The following KANSL1L variants were observed in gnomAD, a reference collection of about 807,000 sequenced individuals.
KANSL1L encodes the protein KAT8 regulatory NSL complex subunit 1-like protein.
KANSL1L carries 25 observed loss-of-function variants against 108.6 expected under a neutral mutation model. That is an observed-to-expected ratio of 0.23 (90% CI 0.17 to 0.32). KANSL1L has a LOEUF of 0.32. Ranked by LOEUF, KANSL1L falls within the 10% of genes least tolerant of loss-of-function variation. The pLI, the probability that KANSL1L is intolerant of heterozygous loss-of-function variation, is 1.00. For missense variants in KANSL1L, 1,137 were observed against 1,125.7 expected (o/e 1.01, Z -0.14); for synonymous variants, 405 against 395.1 (o/e 1.03, Z -0.30).
intron 3 of KANSL1L, among the ~76,000 whole-genome samples, chr2:210,126,338 T>A (rs986344983): frequency 1.3e-5 from 2 of 152,098 alleles, no homozygotes; most frequent in Admixed American, 1.3e-4. Flanking sequence ...TGGAAACAAA[T>A]CCCATATTCA....
At chr2:210,026,150 G>C (rs772932390) in intron 12 of KANSL1L, among the ~76,000 whole-genome samples, 6 of 152,134 alleles carry the variant, frequency 3.9e-5, no homozygotes, top group Admixed American at 1.3e-4. Flanking sequence ...GGATCATTCA[G>C]AAGTAAGGAA....
chr2:210,109,956 G>T (rs1575548717), intron 3 of KANSL1L, among the ~76,000 whole-genome samples: 2 of 152,230 alleles, frequency 1.3e-5, no homozygotes, highest in Admixed American at 1.3e-4. Flanking sequence ...CCTAAGGACT[G>T]GTTTAAGTCT....
chr2:210,154,654 A>G (rs2095323551), intron 1 of KANSL1L, 43 bp from the exon 2 acceptor site: 28 of 1,262,762 alleles, frequency 2.2e-5, no homozygotes, highest in Non-Finnish European at 2.9e-5. Flanking sequence ...CTAGAAAAAA[A>G]TTTTATGCTT....
intron 6 of KANSL1L, among the ~76,000 whole-genome samples, chr2:210,069,145 T>C (rs1191894197): frequency 6.6e-6 from 1 of 152,212 alleles, no homozygotes; most frequent in Admixed American, 6.5e-5. Context: ...AGTTCATTGC[T>C]TAAAAGTTCT....
intron 6 of KANSL1L, among the ~76,000 whole-genome samples, chr2:210,055,211 T>G (rs1559518988): frequency 6.6e-6 from 1 of 152,210 alleles, no homozygotes; most frequent in Non-Finnish European, 1.5e-5. Flanking sequence ...CGTGAAGAAG[T>G]ACATGTTTGC....
intron 2 of KANSL1L, among the ~76,000 whole-genome samples, chr2:210,133,961 G>T (rs2095150858): frequency 6.6e-6 from 1 of 152,016 alleles, no homozygotes; most frequent in Non-Finnish European, 1.5e-5. Context: ...TTTAGTGCGT[G>T]TATACTGACA....
intron 8 of KANSL1L, among the ~76,000 whole-genome samples, chr2:210,033,455 G>T (rs746082519): frequency 2.0e-5 from 3 of 152,084 alleles, no homozygotes; most frequent in African/African-American, 7.2e-5. Context: ...GACAATTAAC[G>T]TTTCTCTTAT....
intron 5 of KANSL1L, among the ~76,000 whole-genome samples, chr2:210,086,107 A>G (rs2094635066): frequency 6.6e-6 from 1 of 151,952 alleles, no homozygotes; most frequent in African/African-American, 2.4e-5. Context: ...CAGTTTTTCA[A>G]TTATGATATC....
intron 6 of KANSL1L, among the ~76,000 whole-genome samples, chr2:210,071,805 G>T (rs534678623): frequency 2.8e-4 from 42 of 152,220 alleles, no homozygotes; most frequent in African/African-American, 6.0e-4. Context: ...TGGTGGTGGG[G>T]AGACACAATT....
In KANSL1L at chr2:210,022,879, G is replaced by T. The variant is rs892760815; in HGVS notation, c.*70C>A. 18 of 1,013,956 alleles carry T rather than the reference G, an allele frequency of 1.8e-5. No individual in the cohort carries two copies. The Admixed American group carries it at 2.9e-4, about 17-fold the overall frequency. The allele number at this position is 1,013,956 out of a possible 1,614,324, so 62.8% of individuals were successfully genotyped here. On this transcript the variant is annotated 3_prime_UTR_variant, in exon 15 of 15. Transcript: ENST00000281772. ...ATGCTCTTATTCTGGAGGGGATGGGGGATCCAGAACAGGGCTTTATTTCCT... is the reference window on the plus strand; with the variant it reads ...ATGCTCTTATTCTGGAGGGGATGGGTGATCCAGAACAGGGCTTTATTTCCT...
chr2:210,090,952 T>A (rs569353049), intron 5 of KANSL1L, among the ~76,000 whole-genome samples: 1 of 152,358 alleles, frequency 6.6e-6, no homozygotes, highest in South Asian at 2.1e-4. Context: ...GCTCAGTGTG[T>A]ACCTCAAAAT....
chr2:210,105,976 A>T (rs2094843183), intron 3 of KANSL1L, among the ~76,000 whole-genome samples: 1 of 152,198 alleles, frequency 6.6e-6, no homozygotes, highest in Non-Finnish European at 1.5e-5. Flanking sequence ...CAAAATTTCT[A>T]CAAGTCTACA....
chr2:210,062,216 A>G (rs2094427261), intron 6 of KANSL1L, among the ~76,000 whole-genome samples: 1 of 152,172 alleles, frequency 6.6e-6, no homozygotes, highest in South Asian at 2.1e-4. Context: ...GATGGTTTTA[A>G]AAAGAGAAGA....
At chr2:210,029,457 A>AAAAC (rs368102633) in intron 10 of KANSL1L, among the ~76,000 whole-genome samples, 38 of 152,154 alleles carry the variant, frequency 2.5e-4, no homozygotes, top group East Asian at 7.7e-4. Context: ...AGATAACAAA[A>AAAAC]AAACAAACAA....
chr2:210,082,043 C>T (rs2094594365), intron 5 of KANSL1L, among the ~76,000 whole-genome samples: 1 of 152,122 alleles, frequency 6.6e-6, no homozygotes, highest in Admixed American at 6.5e-5. Flanking sequence ...AAGTGATGCT[C>T]CTGCCTCAGG....
chr2:210,068,982 A>G (rs986558374), intron 6 of KANSL1L, among the ~76,000 whole-genome samples: 7 of 152,142 alleles, frequency 4.6e-5, no homozygotes, highest in African/African-American at 1.4e-4. Flanking sequence ...ATAGCCTGAG[A>G]ATTTTCCAAA....
intron 4 of KANSL1L, among the ~76,000 whole-genome samples, chr2:210,101,875 A>G (rs1319827815): frequency 1.3e-5 from 2 of 152,222 alleles, no homozygotes; most frequent in African/African-American, 4.8e-5. Flanking sequence ...GTATGTCAGA[A>G]AAACTCAGGA....
At position 210,022,171 on chromosome 2, in the gene KANSL1L, T is replaced by TTTA. The variant is rs770540539; in HGVS notation, c.*775_*777dup. The TTTA allele has an allele frequency of 1.3e-5, 2 of 152,082 alleles. No homozygotes were observed. Among genetic ancestry groups the TTTA allele is most frequent in the African/African-American group, 2.4e-5 (1 of 41,438 alleles). The allele number at this position is 152,082 out of a possible 1,614,324, so 9.4% of individuals were successfully genotyped here. On this transcript the variant is annotated 3_prime_UTR_variant, in exon 15 of 15. Coordinates refer to ENST00000281772, the MANE Select transcript of KANSL1L (RefSeq NM_152519.4). ...CAATATTTGACTCAAATTTGCTTGC[T>TTTA]TTATTTTGTTAGGAGTAAACAGAAA...
intron 2 of KANSL1L, among the ~76,000 whole-genome samples, chr2:210,135,643 G>C (rs1054866321): frequency 3.3e-5 from 5 of 152,118 alleles, no homozygotes; most frequent in Admixed American, 2.6e-4. Context: ...ATGCAGGCAA[G>C]GGCAGCATCC....
Sources: gnomAD v4.1 joint callset for allele counts (sites outside exome capture counted in the v4.1 genomes callset) on GRCh38, gnomAD v4.1.1 for gene constraint, MANE v1.5 for transcripts, NCBI Gene and HGNC (gene_info 2026-07-23, HGNC 2026-07-21) for gene names.